CNBD1: variants seen among roughly 807,000 people sequenced by gnomAD.
CNBD1 encodes cyclic nucleotide binding domain containing 1.
In CNBD1, 71 loss-of-function variants were observed where a neutral mutation model predicts 54.4. The ratio of observed to expected loss-of-function variants is 1.30; its 90% CI spans 1.08 to 1.59. The LOEUF (loss-of-function observed/expected upper bound fraction) is 1.59. CNBD1 is among the 40% of genes most tolerant of loss of function. The probability of loss-of-function intolerance (pLI) is 0.00; values close to 1 mark genes in which losing one functional copy is unlikely to be tolerated. For missense variants in CNBD1, 659 were observed against 518.0 expected (o/e 1.27, Z -2.64); for synonymous variants, 182 against 170.7 (o/e 1.07, Z -0.51).
At chr8:87,361,081 G>A (rs1017693917) in intron 10 of CNBD1, among the ~76,000 whole-genome samples, 5 of 151,662 alleles carry the variant, frequency 3.3e-5, no homozygotes, top group Admixed American at 6.6e-5. Context: ...TTGCCACAGG[G>A]AATACACGAC....
intron 8 of CNBD1, among the ~76,000 whole-genome samples, chr8:87,317,434 C>A (rs1228992029): frequency 6.6e-6 from 1 of 151,114 alleles, no homozygotes; most frequent in African/African-American, 2.4e-5. Flanking sequence ...TCTCCTTGGC[C>A]CATGGTTTAC....
chr8:87,127,020 T>A (rs1488172379), intron 4 of CNBD1, among the ~76,000 whole-genome samples: 1 of 151,768 alleles, frequency 6.6e-6, no homozygotes, highest in Non-Finnish European at 1.5e-5. Context: ...TGACGCAAAC[T>A]CATCTATTCC....
intron 4 of CNBD1, among the ~76,000 whole-genome samples, chr8:87,160,443 T>C (rs997139853): frequency 1.3e-5 from 2 of 152,114 alleles, no homozygotes; most frequent in African/African-American, 4.8e-5. Context: ...AACTGGTATA[T>C]AGAAATTCTC....
chr8:86,973,689 T>C lies in CNBD1; in HGVS notation c.431+33935T>C, dbSNP rs372938023. ...TGCCCTGACATGTTTTTGTAGCAAGTTGACACATTGCTTTTGTACTACCAG... is the reference window on the plus strand; with the variant it reads ...TGCCCTGACATGTTTTTGTAGCAAGCTGACACATTGCTTTTGTACTACCAG... On this transcript the variant is annotated intron_variant, in intron 4 of 10. Transcript: ENST00000518476. 1.2e-4 allele frequency among the ~76,000 whole-genome samples: 19 copies of C among 152,288 alleles called. No individual in the cohort carries two copies. The East Asian group carries it at 2.5e-3, about 20-fold the overall frequency.
At chr8:86,917,958 G>A (rs1050010443) in intron 3 of CNBD1, among the ~76,000 whole-genome samples, 1 of 152,192 alleles carries the variant, frequency 6.6e-6, no homozygotes, top group African/African-American at 2.4e-5. Context: ...GAGGATCTGT[G>A]AGCTCATGAG....
At chr8:86,885,666 C>A (rs1235114674) in intron 1 of CNBD1, among the ~76,000 whole-genome samples, 2 of 152,158 alleles carry the variant, frequency 1.3e-5, no homozygotes, top group African/African-American at 4.8e-5. Flanking sequence ...AATGAAACTG[C>A]TTTCAAAGGC....
In CNBD1 at chr8:87,239,552, C is replaced by T. The variant is rs140322518; in HGVS notation, c.771+2440C>T. Among the ~76,000 whole-genome samples, 17 of 152,070 alleles carry T rather than the reference C, an allele frequency of 1.1e-4. No homozygotes were observed. The East Asian group carries it at 3.1e-3, about 28-fold the overall frequency. ...TTTTTATTGAGTTTCAACAGAGAAC[C>T]GAACAACTAAGAAGAAGAAAAAAGT... On this transcript the variant is annotated intron_variant, in intron 6 of 10. Coordinates refer to ENST00000518476, the MANE Select transcript of CNBD1 (RefSeq NM_173538.3).
intron 8 of CNBD1, among the ~76,000 whole-genome samples, chr8:87,321,010 C>T (rs1809513759): frequency 6.6e-6 from 1 of 152,136 alleles, no homozygotes; most frequent in Admixed American, 6.6e-5. Flanking sequence ...TATTCTCAAA[C>T]TGCATCCATG....
intron 5 of CNBD1, among the ~76,000 whole-genome samples, chr8:87,232,381 C>T (rs966809867): frequency 4.6e-5 from 7 of 152,124 alleles, no homozygotes; most frequent in Non-Finnish European, 8.8e-5. Context: ...ATAATTTATA[C>T]TCCCAGTAAC....
At chr8:86,984,209 T>C (rs983294597) in intron 4 of CNBD1, among the ~76,000 whole-genome samples, 1 of 152,140 alleles carries the variant, frequency 6.6e-6, no homozygotes, top group South Asian at 2.1e-4. Context: ...CCACATGATA[T>C]TGAGTCTGTG....
At position 87,027,766 on chromosome 8, in the gene CNBD1, T is replaced by C. The variant is rs75050322; in HGVS notation, c.431+88012T>C. 2.1e-3 allele frequency among the ~76,000 whole-genome samples: 322 copies of C among 152,362 alleles called. 1 individual carries two copies. The highest frequency in any genetic ancestry group is 7.5e-3 in the African/African-American group (313 of 41,576). On this transcript the variant is annotated intron_variant, in intron 4 of 10. Coordinates refer to ENST00000518476, the MANE Select transcript of CNBD1 (RefSeq NM_173538.3). Reference sequence around the variant, plus strand: ...ACAGCAATCTCCAGATTCCAAAGAATATTGGGGCCAAACAGTATCACAAAG... The same window carrying C: ...ACAGCAATCTCCAGATTCCAAAGAACATTGGGGCCAAACAGTATCACAAAG...
At chr8:87,298,311 A>G (rs551837864) in intron 8 of CNBD1, among the ~76,000 whole-genome samples, 2 of 152,074 alleles carry the variant, frequency 1.3e-5, no homozygotes, top group Admixed American at 6.6e-5. Context: ...CCTCAAGAAA[A>G]TAGTATTAAC....
At chr8:86,996,836 G>A (rs1432332709) in intron 4 of CNBD1, among the ~76,000 whole-genome samples, 1 of 152,176 alleles carries the variant, frequency 6.6e-6, no homozygotes, top group Non-Finnish European at 1.5e-5. Context: ...TACAGTTCTG[G>A]AAGCTGGGAA....
intron 1 of CNBD1, among the ~76,000 whole-genome samples, chr8:86,873,669 A>T (rs1486410341): frequency 6.6e-6 from 1 of 152,014 alleles, no homozygotes; most frequent in Admixed American, 6.5e-5. Context: ...CTTCCCCTTG[A>T]ATTTATGTAA....
At chr8:87,426,062 G>T (rs550258568) in intron 2 of CNBD1, among the ~76,000 whole-genome samples, 53 of 152,332 alleles carry the variant, frequency 3.5e-4, no homozygotes, top group African/African-American at 1.1e-3. Context: ...CAGTATTTGG[G>T]TGGGAGTGAA....
chr8:87,410,841 C>A (rs1210172911), intron 2 of CNBD1, among the ~76,000 whole-genome samples: 1 of 152,132 alleles, frequency 6.6e-6, no homozygotes, highest in Non-Finnish European at 1.5e-5. Context: ...AACTACCACC[C>A]TGATAAATCT....
chr8:87,327,330 A>G (rs1049779285), intron 8 of CNBD1, among the ~76,000 whole-genome samples: 1 of 150,094 alleles, frequency 6.7e-6, no homozygotes, highest in Non-Finnish European at 1.5e-5. Flanking sequence ...GGTGGGCTCC[A>G]CCCAGTTCGA....
At chr8:87,065,292 C>T (rs749694065) in intron 4 of CNBD1, among the ~76,000 whole-genome samples, 2 of 150,426 alleles carry the variant, frequency 1.3e-5, no homozygotes, top group Non-Finnish European at 3.0e-5. Context: ...TTTATAATGT[C>T]TTTCTTCTCT....
chr8:87,300,964 A>G (rs1028775162), intron 8 of CNBD1, among the ~76,000 whole-genome samples: 1 of 152,138 alleles, frequency 6.6e-6, no homozygotes, highest in Non-Finnish European at 1.5e-5. Flanking sequence ...TGATTAACCA[A>G]GAAAAGAAGA....
Sources: allele counts gnomAD v4.1 joint callset (sites outside exome capture counted in the v4.1 genomes callset), GRCh38; gene constraint gnomAD v4.1.1; transcripts MANE v1.5; gene names NCBI Gene and HGNC (gene_info 2026-07-23, HGNC 2026-07-21).